The following DOP1B variants were observed in gnomAD, a reference collection of about 807,000 sequenced individuals.
DOP1B encodes DOP1 leucine zipper like protein B, also known as protein DOP1B.
DOP1B carries 174 observed loss-of-function variants against 233.5 expected under a neutral mutation model. That is an observed-to-expected ratio of 0.75 (90% confidence interval 0.66 to 0.85). The LOEUF is 0.85. DOP1B is among the 40% of genes least tolerant of loss of function. The pLI, the probability that DOP1B is intolerant of heterozygous loss-of-function variation, is 0.00. For synonymous variants in DOP1B, 1,190 were observed against 1,185.6 expected (o/e 1.00, Z -0.08); for missense variants, 2,652 against 2,846.6 (o/e 0.93, Z 1.56).
chr21:36,288,999 C>A (rs1365451535), intron 34 of DOP1B, 46 bp from the exon 35 acceptor site: 1 of 1,602,404 alleles, frequency 6.2e-7, no homozygotes, highest in Admixed American at 1.7e-5. Flanking sequence ...TGGACTATAA[C>A]AGATCTGAAT....
At position 36,219,483 on chromosome 21, in the gene DOP1B, C is replaced by T. The variant is rs747170278; in HGVS notation, c.1241C>T (p.Ser414Leu). 1.9e-5 allele frequency: 31 copies of T among 1,613,912 alleles called. No individual in the cohort carries two copies. Among genetic ancestry groups the T allele is most frequent in the Middle Eastern group, 1.6e-4 (1 of 6,084 alleles). The change falls in exon 10 of 37, where the codon TCG becomes TTG. Residue 414 changes from serine (S) to leucine (L), a missense_variant. Transcript: ENST00000691173. Reference protein sequence around the residue: ...LKLSYTQSGNSLISAIKENRN... With the variant: ...LKLSYTQSGNLLISAIKENRN... The stretch of plus-strand genomic sequence containing the variant: ...CTTAGCTACACCCAGAGTGGAAATT[C>T]GCTGATAAGGTATGGGTTTGGCCTT...
Position 36,293,473 on chromosome 21 carries a change from A to T in DOP1B, c.6799A>T (p.Thr2267Ser). ...ACAGCTGCCTGCTGATAGCCCAGGA[A>T]CTCCATTCTTGGACTTTCCTGTCAC... ...QRQLPADSPGTPFLDFPVTDS... is the reference protein window; with the variant it reads ...QRQLPADSPGSPFLDFPVTDS... Residue 2267 changes from threonine to serine, a missense_variant, in exon 37 of 37, where the codon ACT becomes TCT. Around this residue, in one of 3 missense-constraint regions of DOP1B, gnomAD observed 4 missense variants for 18.1 expected, o/e 0.22. Transcript: ENST00000691173. 6.2e-7 allele frequency: 1 copy of T among 1,613,994 alleles called. No homozygotes were observed. Among genetic ancestry groups the T allele is most frequent in the Non-Finnish European group, 8.5e-7 (1 of 1,180,012 alleles).
chr21:36,271,208 T>A (rs1489025928), intron 27 of DOP1B, among the ~76,000 whole-genome samples: 1 of 151,678 alleles, frequency 6.6e-6, no homozygotes, highest in African/African-American at 2.4e-5. Flanking sequence ...TCTTTCTTTG[T>A]TTTTTGTTTT....
intron 24 of DOP1B, chr21:36,261,384 A>G (rs2067169583): frequency 2.0e-6 from 2 of 993,808 alleles, no homozygotes; most frequent in South Asian, 4.6e-5. Context: ...AAAAAAAAAA[A>G]GGCAAAATGA....
At chr21:36,170,609 A>ATG (rs149193972) in intron 2 of DOP1B, 5 of 58,886 alleles carry the variant, frequency 8.5e-5, no homozygotes, top group African/African-American at 3.8e-4. Flanking sequence ...AAATAAATAA[A>ATG]TATATATATA....
chr21:36,272,040 T>C (rs2067295001), intron 27 of DOP1B, among the ~76,000 whole-genome samples: 2 of 151,936 alleles, frequency 1.3e-5, no homozygotes, highest in African/African-American at 2.4e-5. Context: ...CCAGTGCCAG[T>C]AGAGCTTAAT....
intron 4 of DOP1B, among the ~76,000 whole-genome samples, chr21:36,203,846 G>T (rs983795081): frequency 1.2e-4 from 18 of 151,654 alleles, no homozygotes; most frequent in African/African-American, 4.1e-4. Context: ...TTTGGGGTCT[G>T]CAGATAACCT....
intron 2 of DOP1B, among the ~76,000 whole-genome samples, chr21:36,172,281 C>T (rs2065978456): frequency 6.6e-6 from 1 of 152,162 alleles, no homozygotes; most frequent in African/African-American, 2.4e-5. Context: ...CCCGGGCCGT[C>T]AGCAAGCACA....
chr21:36,250,980 C>T (rs1053204760), intron 21 of DOP1B, among the ~76,000 whole-genome samples, 182 bp from the exon 22 acceptor site: 6 of 152,192 alleles, frequency 3.9e-5, no homozygotes, highest in African/African-American at 1.4e-4. Context: ...TAGCTCCTTG[C>T]GGAAAGGGTT....
At chr21:36,184,500 C>T (rs952492703) in intron 2 of DOP1B, among the ~76,000 whole-genome samples, 4 of 152,132 alleles carry the variant, frequency 2.6e-5, no homozygotes, top group Non-Finnish European at 4.4e-5. Flanking sequence ...TACACTGTTG[C>T]GGCCCCTTCC....
At position 36,293,373 on chromosome 21, in the gene DOP1B, C is replaced by T; in HGVS notation, c.6699C>T (p.Arg2233=). ...TGAAGAGTGAATTCCCGCTTCTGCG[C>T]CAACATTCTGTTTCCAGCATCAGGC... The part of the protein sequence containing the change: ...ITMKSEFPLL[R]QHSVSSIRQL... Residue 2233 remains arginine (R), a synonymous_variant, in exon 37 of 37, where the codon CGC becomes CGT. Transcript: ENST00000691173. 1 of 1,614,194 alleles carries T rather than the reference C, an allele frequency of 6.2e-7. No homozygotes were observed. Among genetic ancestry groups the T allele is most frequent in the Non-Finnish European group, 8.5e-7 (1 of 1,180,044 alleles).
intron 22 of DOP1B, among the ~76,000 whole-genome samples, chr21:36,252,755 C>T (rs913030277): frequency 1.3e-5 from 2 of 152,166 alleles, no homozygotes; most frequent in Non-Finnish European, 2.9e-5. Flanking sequence ...CGTGATCCGC[C>T]TGCCTCGGCC....
At chr21:36,236,017 A>G (rs953377418) in intron 15 of DOP1B, among the ~76,000 whole-genome samples, 41 of 152,354 alleles carry the variant, frequency 2.7e-4, no homozygotes, top group Admixed American at 2.6e-3. Context: ...GCAGAGAAAG[A>G]CGGTTTTGTT....
chr21:36,266,211 T>C (rs2123649968), intron 26 of DOP1B, among the ~76,000 whole-genome samples: 1 of 152,308 alleles, frequency 6.6e-6, no homozygotes, highest in East Asian at 1.9e-4. Flanking sequence ...AGTCTTGCTC[T>C]TGTTGCCCAA....
intron 5 of DOP1B, among the ~76,000 whole-genome samples, chr21:36,210,943 G>A (rs985936759): frequency 2.0e-5 from 3 of 152,156 alleles, no homozygotes; most frequent in Admixed American, 6.5e-5. Context: ...GCTCCCACAC[G>A]ACTGCCACAG....
chr21:36,279,578 G>A (rs930446703), intron 30 of DOP1B, among the ~76,000 whole-genome samples: 9 of 152,182 alleles, frequency 5.9e-5, no homozygotes, highest in African/African-American at 2.2e-4. Context: ...CCCTCCACGT[G>A]ATCTTGTTGC....
rs367977089 is a variant in DOP1B, at chr21:36,214,453, G to T, written c.1026G>T (p.Glu342Asp). 2 of 1,612,380 alleles carry T rather than the reference G, an allele frequency of 1.2e-6. No individual in the cohort carries two copies. Among genetic ancestry groups the T allele is most frequent in the Non-Finnish European group, 1.7e-6 (2 of 1,179,588 alleles). ...SKDLLVEGLA[E>D]ILHQKFIDAD... Reference sequence around the variant, plus strand: ...TTTTTAAATAATAGGGTTTGGCTGAGATATTGCATCAGAAGTTCATAGATG... The same window carrying T: ...TTTTTAAATAATAGGGTTTGGCTGATATATTGCATCAGAAGTTCATAGATG... The change falls in exon 9 of 37, where the codon GAG (glutamate) becomes GAT (aspartate). Residue 342 changes from glutamate (E) to aspartate (D), a missense_variant. Transcript: ENST00000691173.
intron 4 of DOP1B, among the ~76,000 whole-genome samples, chr21:36,202,182 G>A (rs927993273): frequency 3.3e-5 from 5 of 152,018 alleles, no homozygotes; most frequent in East Asian, 1.9e-4. Flanking sequence ...GTAAGACTAC[G>A]TCTCAGAAAA....
chr21:36,279,590 C>G (rs1048875866), intron 30 of DOP1B, among the ~76,000 whole-genome samples: 1 of 152,170 alleles, frequency 6.6e-6, no homozygotes, highest in East Asian at 1.9e-4. Context: ...TCTTGTTGCT[C>G]TGCTGGGGTA....
Sources: gnomAD v4.1 joint callset for allele counts (sites outside exome capture counted in the v4.1 genomes callset) on GRCh38, gnomAD v4.1.1 for gene constraint, gnomAD v4.1.1 regional missense constraint, MANE v1.5 for transcripts, NCBI Gene and HGNC (gene_info 2026-07-23, HGNC 2026-07-21) for gene names.